FRAS1: variants seen among roughly 807,000 people sequenced by gnomAD.
The protein encoded by FRAS1 is Fraser extracellular matrix complex subunit 1.
FRAS1 carries 290 observed loss-of-function variants against 435.2 expected under a neutral mutation model. That is an observed-to-expected ratio of 0.67 (90% CI 0.61 to 0.73). FRAS1 has a LOEUF of 0.73. Among genes scored for constraint, FRAS1 ranks in the 30% least tolerant of loss-of-function variants. The probability of loss-of-function intolerance (pLI) is 0.00; values close to 1 mark genes in which losing one functional copy is unlikely to be tolerated. For missense variants in FRAS1, 4,860 were observed against 5,001.5 expected, an observed-to-expected ratio of 0.97 and a Z score of 0.85; for synonymous variants, 1,800 against 1,851.0, an observed-to-expected ratio of 0.97 and a Z score of 0.71.
At chr4:78,135,765 T>C (rs1719892201) in intron 2 of FRAS1, among the ~76,000 whole-genome samples, 1 of 152,214 alleles carries the variant, frequency 6.6e-6, no homozygotes, top group African/African-American at 2.4e-5. Flanking sequence ...TGTACAACTC[T>C]AGGGGGTGTC....
intron 2 of FRAS1, among the ~76,000 whole-genome samples, chr4:78,085,570 T>C (rs192611212): frequency 1.6e-3 from 237 of 152,206 alleles, no homozygotes; most frequent in African/African-American, 5.6e-3. Context: ...CCCTGTCTTC[T>C]GGGGACTCTC....
chr4:78,366,872 G>A lies in FRAS1; in HGVS notation c.2722+2818G>A, dbSNP rs1170993764. On this transcript the variant is annotated intron_variant, in intron 22 of 73. Coordinates refer to ENST00000512123, the MANE Select transcript of FRAS1 (RefSeq NM_025074.7). ...GAAGCTGAGAACCCGAGGGACGTTGGTACCTACAGAACTGCTCTGTGTCAG... is the reference window on the plus strand; with the variant it reads ...GAAGCTGAGAACCCGAGGGACGTTGATACCTACAGAACTGCTCTGTGTCAG... 2.0e-5 allele frequency among the ~76,000 whole-genome samples: 3 copies of A among 152,294 alleles called. No homozygotes were observed. In the East Asian group the frequency reaches 5.8e-4, roughly 29 times the overall value.
At chr4:78,089,509 T>C (rs1415053694) in intron 2 of FRAS1, among the ~76,000 whole-genome samples, 2 of 152,176 alleles carry the variant, frequency 1.3e-5, no homozygotes, top group African/African-American at 2.4e-5. Flanking sequence ...TGTATTTCCC[T>C]TGAGTTACAT....
chr4:78,243,824 C>A (rs1289993972), intron 3 of FRAS1, among the ~76,000 whole-genome samples: 1 of 152,102 alleles, frequency 6.6e-6, no homozygotes, highest in Non-Finnish European at 1.5e-5. Context: ...GTCTTCCATT[C>A]TACCTGCCTT....
At chr4:78,303,282 C>G (rs1307252200) in intron 14 of FRAS1, among the ~76,000 whole-genome samples, 1 of 152,072 alleles carries the variant, frequency 6.6e-6, no homozygotes, top group East Asian at 1.9e-4. Context: ...AGTTTGAAGT[C>G]AGGTAGTGTG....
intron 2 of FRAS1, among the ~76,000 whole-genome samples, chr4:78,104,752 GA>G (rs1423683756): frequency 6.6e-6 from 1 of 152,154 alleles, no homozygotes; most frequent in African/African-American, 2.4e-5. Flanking sequence ...CATCTTAGAA[GA>G]ACTTTCAACT....
intron 10 of FRAS1, among the ~76,000 whole-genome samples, chr4:78,279,285 G>A (rs1188772235): frequency 2.0e-5 from 3 of 152,216 alleles, no homozygotes; most frequent in Non-Finnish European, 2.9e-5. Flanking sequence ...AGGGAGAAAG[G>A]CATTGGCCAT....
At chr4:78,278,523 A>T in intron 9 of FRAS1, 132 bp from the exon 10 acceptor site, 1 of 625,788 alleles carries the variant, frequency 1.6e-6, no homozygotes, top group Non-Finnish European at 2.9e-6. Flanking sequence ...GAGATGAAAC[A>T]GGCAGAGGGC....
intron 2 of FRAS1, among the ~76,000 whole-genome samples, chr4:78,201,807 G>A (rs1723057350): frequency 6.6e-6 from 1 of 152,164 alleles, no homozygotes. Context: ...CAAACTTCCA[G>A]GGCCTCTCTT....
chr4:78,286,798 T>C (rs1727629236), intron 14 of FRAS1, among the ~76,000 whole-genome samples: 1 of 152,242 alleles, frequency 6.6e-6, no homozygotes, highest in African/African-American at 2.4e-5. Context: ...TTTTATTTTA[T>C]ATTTTTAATT....
intron 2 of FRAS1, among the ~76,000 whole-genome samples, chr4:78,187,376 G>A (rs1191405109): frequency 1.3e-5 from 2 of 152,082 alleles, no homozygotes; most frequent in Admixed American, 6.5e-5. Context: ...CATTTACAAA[G>A]GTGTGGAGGG....
At chr4:78,382,387 C>T (rs1164972533) in intron 27 of FRAS1, among the ~76,000 whole-genome samples, 3 of 149,640 alleles carry the variant, frequency 2.0e-5, no homozygotes, top group Non-Finnish European at 3.0e-5. Flanking sequence ...GAAGTACCAC[C>T]CCTGAACAAG....
At chr4:78,479,909 C>T (rs1250966164) in intron 56 of FRAS1, among the ~76,000 whole-genome samples, 191 bp downstream of exon 56, 1 of 152,094 alleles carries the variant, frequency 6.6e-6, no homozygotes, top group African/African-American at 2.4e-5. Context: ...GAGTTCCATC[C>T]ACTTTTCTTA....
chr4:78,181,569 G>T (rs989197034), intron 2 of FRAS1: 3 of 1,611,352 alleles, frequency 1.9e-6, no homozygotes, highest in East Asian at 2.2e-5. Flanking sequence ...CGAATAGGTC[G>T]GTCAATAATC....
At chr4:78,498,098 G>T (rs115296858) in intron 60 of FRAS1, among the ~76,000 whole-genome samples, 1 of 152,178 alleles carries the variant, frequency 6.6e-6, no homozygotes, top group South Asian at 2.1e-4. Flanking sequence ...TGACAGGGAC[G>T]GGGGCCTGGG....
chr4:78,320,917 T>A (rs1729478292), intron 18 of FRAS1, among the ~76,000 whole-genome samples: 1 of 152,156 alleles, frequency 6.6e-6, no homozygotes, highest in Non-Finnish European at 1.5e-5. Context: ...AATTCCTCAC[T>A]GTAGCCTGAT....
At chr4:78,216,537 A>C (rs1275414265) in intron 2 of FRAS1, among the ~76,000 whole-genome samples, 1 of 152,220 alleles carries the variant, frequency 6.6e-6, no homozygotes, top group African/African-American at 2.4e-5. Flanking sequence ...TGTTATAGAT[A>C]ATAGGGATAA....
intron 15 of FRAS1, among the ~76,000 whole-genome samples, chr4:78,310,101 G>A (rs1173391804): frequency 1.3e-5 from 2 of 152,184 alleles, no homozygotes; most frequent in African/African-American, 2.4e-5. Flanking sequence ...ATGAGTCACA[G>A]GTGGCTTTTG....
chr4:78,248,445 C>T (rs1725361253), intron 4 of FRAS1, among the ~76,000 whole-genome samples: 1 of 152,080 alleles, frequency 6.6e-6, no homozygotes, highest in African/African-American at 2.4e-5. Flanking sequence ...AATGTCAAAT[C>T]TGAGTAGATG....
Sources: gnomAD v4.1 joint callset for allele counts (sites outside exome capture counted in the v4.1 genomes callset) on GRCh38, gnomAD v4.1.1 for gene constraint, MANE v1.5 for transcripts, NCBI Gene and HGNC (gene_info 2026-07-23, HGNC 2026-07-21) for gene names.